The following RIN2 variants were observed in gnomAD, a reference collection of about 807,000 sequenced individuals.
RIN2 encodes the protein RAB5 interacting protein 2.
In RIN2, 36 loss-of-function variants were observed where a neutral mutation model predicts 78.0. The ratio of observed to expected loss-of-function variants is 0.46; its 90% confidence interval spans 0.35 to 0.61. The LOEUF is 0.61. Ranked by LOEUF, RIN2 falls within the 20% of genes least tolerant of loss-of-function variation. RIN2 has a pLI of 0.00. For missense variants in RIN2, 1,087 were observed against 1,159.7 expected (o/e 0.94, Z 0.91); for synonymous variants, 466 against 466.8 (o/e 1.00, Z 0.02).
intron 2 of RIN2, among the ~76,000 whole-genome samples, chr20:19,801,298 T>C (rs1476973638): frequency 6.6e-6 from 1 of 151,156 alleles, no homozygotes; most frequent in East Asian, 1.9e-4. Flanking sequence ...TTTTATTTTA[T>C]TATTATTATT....
chr20:19,979,440 T>A (rs2042378030), intron 9 of RIN2, among the ~76,000 whole-genome samples: 1 of 152,210 alleles, frequency 6.6e-6, no homozygotes, highest in African/African-American at 2.4e-5. Context: ...AATTTCCACA[T>A]ATTTCAAAGG....
chr20:19,922,029 C>G (rs549305101), intron 3 of RIN2, among the ~76,000 whole-genome samples: 19 of 152,170 alleles, frequency 1.2e-4, no homozygotes, highest in Non-Finnish European at 1.9e-4. Flanking sequence ...CCATGCCCAG[C>G]TAATCTTTGT....
intron 2 of RIN2, chr20:19,824,022 A>AAGCC: frequency 1.2e-6 from 1 of 849,084 alleles, no homozygotes. Flanking sequence ...TCCGAGCCGA[A>AAGCC]AGCCGAGAGA....
intron 5 of RIN2, among the ~76,000 whole-genome samples, chr20:19,958,944 G>A (rs575126619): frequency 2.0e-5 from 3 of 152,268 alleles, no homozygotes; most frequent in Non-Finnish European, 4.4e-5. Context: ...AGGAGGATTT[G>A]AGAGACTGGC....
chr20:19,951,764 C>T (rs2041325794), intron 4 of RIN2, among the ~76,000 whole-genome samples: 1 of 152,136 alleles, frequency 6.6e-6, no homozygotes, highest in Admixed American at 6.5e-5. Flanking sequence ...TCTCACATGC[C>T]CAGCTGAGCT....
chr20:19,916,357 G>A (rs1380902640), intron 3 of RIN2, among the ~76,000 whole-genome samples: 3 of 152,226 alleles, frequency 2.0e-5, no homozygotes, highest in South Asian at 2.1e-4. Context: ...AGTGGCTCAC[G>A]CCCATAATCC....
intron 2 of RIN2, chr20:19,823,671 G>A: frequency 2.5e-6 from 4 of 1,577,772 alleles, no homozygotes; most frequent in Non-Finnish European, 3.4e-6. Context: ...GTTTCTTTCT[G>A]TCTCTTGGTG....
chr20:19,953,170 G>C (rs1371118975), intron 4 of RIN2, among the ~76,000 whole-genome samples: 1 of 152,096 alleles, frequency 6.6e-6, no homozygotes, highest in Non-Finnish European at 1.5e-5. Flanking sequence ...ACGGAGTCTT[G>C]CTCTGTTGCC....
At chr20:19,823,329 G>T in intron 2 of RIN2, 1 of 594,976 alleles carries the variant, frequency 1.7e-6, no homozygotes, top group Non-Finnish European at 3.0e-6. Flanking sequence ...TTACTCTTTC[G>T]TGGCTGTTTG....
At chr20:19,812,575 G>A (rs992113315) in intron 2 of RIN2, among the ~76,000 whole-genome samples, 1 of 152,104 alleles carries the variant, frequency 6.6e-6, no homozygotes, top group Non-Finnish European at 1.5e-5. Flanking sequence ...TCCTTCCTGA[G>A]TAGTAAGGGT....
chr20:19,981,284 A>G (rs373508589), intron 9 of RIN2, among the ~76,000 whole-genome samples: 14 of 152,250 alleles, frequency 9.2e-5, no homozygotes, highest in African/African-American at 3.4e-4. Context: ...CTCAGAGGTG[A>G]AGGCACATCA....
chr20:19,908,319 G>A (rs552793778), intron 3 of RIN2, among the ~76,000 whole-genome samples: 13 of 152,094 alleles, frequency 8.5e-5, no homozygotes, highest in East Asian at 1.9e-4. Context: ...GTGAAACCCC[G>A]TCTCTACTAA....
chr20:19,912,503 A>G lies in RIN2; in HGVS notation c.58-22596A>G, dbSNP rs370582284. ...TTTTTTTTTTTTTTTTTTGAGATGAAGTCTCACTCCCATCGCCCAGGCTGG... is the reference window on the plus strand; with the variant it reads ...TTTTTTTTTTTTTTTTTTGAGATGAGGTCTCACTCCCATCGCCCAGGCTGG... On this transcript the variant is annotated intron_variant, in intron 3 of 12. Coordinates refer to ENST00000255006, the MANE Select transcript of RIN2 (RefSeq NM_018993.4). Among the ~76,000 whole-genome samples, 52 of 133,156 alleles carry G rather than the reference A, an allele frequency of 3.9e-4. 1 individual carries two copies. In the South Asian group the frequency reaches 0.012, roughly 30 times the overall value. 87.4% of individuals were successfully genotyped at this position (133,156 alleles called of 152,430 possible).
upstream of RIN2, chr20:19,757,963 A>C (rs879728831): frequency 1.3e-5 from 2 of 152,458 alleles, no homozygotes; most frequent in Admixed American, 6.5e-5. Flanking sequence ...GTGGTTGTCA[A>C]GAGGGGCGGA....
intron 2 of RIN2, among the ~76,000 whole-genome samples, chr20:19,830,008 T>C (rs2036204612): frequency 6.6e-6 from 1 of 152,186 alleles, no homozygotes. Context: ...TGTCTTATTT[T>C]TGCATCGTAT....
chr20:19,866,617 A>ATATTT (rs201110029), intron 2 of RIN2, among the ~76,000 whole-genome samples: 1 of 152,026 alleles, frequency 6.6e-6, no homozygotes, highest in Non-Finnish European at 1.5e-5. Context: ...TTAATTTTGG[A>ATATTT]TATTTTATTT....
chr20:19,868,241 G>A (rs889265601), intron 2 of RIN2, among the ~76,000 whole-genome samples: 2 of 152,218 alleles, frequency 1.3e-5, no homozygotes, highest in South Asian at 2.1e-4. Context: ...ACCACGCATC[G>A]CCTGACCCAG....
chr20:19,929,939 C>T lies in RIN2; in HGVS notation c.58-5160C>T, dbSNP rs763254381. On this transcript the variant is annotated intron_variant, in intron 3 of 12. Transcript: ENST00000255006. ...GTTTTGTGATGCTAACTGCTGCTGG[C>T]GGAGGGCCCAGTGGGTATATACACA... Among the ~76,000 whole-genome samples the T allele has an allele frequency of 8.7e-4, 133 of 152,220 alleles. 1 individual carries two copies. The highest frequency in any genetic ancestry group is 1.4e-3 in the Admixed American group (22 of 15,282).
intron 1 of RIN2, among the ~76,000 whole-genome samples, chr20:19,798,596 C>T (rs182050215): frequency 6.6e-6 from 1 of 152,030 alleles, no homozygotes; most frequent in Admixed American, 6.6e-5. Flanking sequence ...ACATGAGAAA[C>T]ATATTTAGAA....
Sources: gnomAD v4.1 joint callset for allele counts (sites outside exome capture counted in the v4.1 genomes callset) on GRCh38, gnomAD v4.1.1 for gene constraint, MANE v1.5 for transcripts, NCBI Gene and HGNC (gene_info 2026-07-23, HGNC 2026-07-21) for gene names.